Variants in EYS observed in about 807,000 individuals in gnomAD.
EYS encodes the protein protein eyes shut homolog.
A neutral mutation model predicts 282.1 loss-of-function variants in EYS; 250 were observed. The observed-to-expected ratio is 0.89, with a 90% confidence interval of 0.80 to 0.98. The LOEUF (loss-of-function observed/expected upper bound fraction) is 0.98. EYS is among the 50% of genes least tolerant of loss of function. The pLI, the probability that EYS is intolerant of heterozygous loss-of-function variation, is 0.00. For synonymous variants in EYS, 1,355 were observed against 1,282.9 expected (o/e 1.06, Z -1.20); for missense variants, 4,016 against 3,709.0 (o/e 1.08, Z -2.15).
chr6:64,159,216 G>T (rs538063934), intron 31 of EYS, among the ~76,000 whole-genome samples: 1 of 152,166 alleles, frequency 6.6e-6, no homozygotes, highest in East Asian at 1.9e-4. Flanking sequence ...CAATGTAAAT[G>T]CTAGGTTAAT....
chr6:63,872,583 A>G (rs1332878388), intron 35 of EYS, among the ~76,000 whole-genome samples: 2 of 151,010 alleles, frequency 1.3e-5, no homozygotes, highest in African/African-American at 4.9e-5. Context: ...GGTTCAAGCA[A>G]TTCTCCTACT....
At chr6:64,878,327 A>G (rs999867922) in intron 19 of EYS, among the ~76,000 whole-genome samples, 2 of 152,192 alleles carry the variant, frequency 1.3e-5, no homozygotes, top group Admixed American at 6.5e-5. Flanking sequence ...AATGTAGTCT[A>G]TGAATGCAGA....
At chr6:64,611,286 G>T (rs1488808630) in intron 24 of EYS, among the ~76,000 whole-genome samples, 1 of 147,724 alleles carries the variant, frequency 6.8e-6, no homozygotes. Context: ...TCCACTATGT[G>T]GTGCAGATTA....
At chr6:64,825,279 T>C (rs1765016489) in intron 19 of EYS, among the ~76,000 whole-genome samples, 1 of 151,892 alleles carries the variant, frequency 6.6e-6, no homozygotes, top group South Asian at 2.1e-4. Context: ...CAATTGCCAT[T>C]ATCCTGTTTT....
chr6:65,360,046 C>A (rs991973179), intron 8 of EYS, among the ~76,000 whole-genome samples: 3 of 151,742 alleles, frequency 2.0e-5, no homozygotes, highest in Admixed American at 2.0e-4. Context: ...AAAATATTTT[C>A]AATGGAAGTT....
chr6:65,619,318 A>G (rs354376), intron 2 of EYS, among the ~76,000 whole-genome samples: 119,207 of 150,838 alleles, frequency 0.79, 47,188 homozygotes, highest in Middle Eastern at 0.83. Flanking sequence ...TGAAGCAATT[A>G]TGAATGGGAG....
intron 31 of EYS, among the ~76,000 whole-genome samples, chr6:64,160,554 C>T (rs1305953161): frequency 6.6e-6 from 1 of 152,136 alleles, no homozygotes; most frequent in Non-Finnish European, 1.5e-5. Flanking sequence ...TAAAACCAAC[C>T]TTAAAAAGAC....
intron 12 of EYS, among the ~76,000 whole-genome samples, chr6:65,081,849 C>T (rs1774238148): frequency 6.6e-6 from 1 of 152,026 alleles, no homozygotes; most frequent in African/African-American, 2.4e-5. Flanking sequence ...ACATTTTGTG[C>T]TCTTCTAAAT....
At chr6:64,851,453 A>G (rs1221551527) in intron 19 of EYS, among the ~76,000 whole-genome samples, 2 of 152,162 alleles carry the variant, frequency 1.3e-5, no homozygotes, top group Non-Finnish European at 2.9e-5. Context: ...AGCTTCATTC[A>G]TACCTGATTT....
intron 26 of EYS, among the ~76,000 whole-genome samples, chr6:64,493,500 T>A (rs555550975): frequency 6.6e-6 from 1 of 151,594 alleles, no homozygotes; most frequent in Non-Finnish European, 1.5e-5. Flanking sequence ...GGAAATGTTA[T>A]TAAGTACTTT....
chr6:65,004,089 A>G (rs1035501614), intron 13 of EYS, among the ~76,000 whole-genome samples: 1 of 147,172 alleles, frequency 6.8e-6, no homozygotes, highest in Non-Finnish European at 1.5e-5. Context: ...GTGTGGGGTG[A>G]TATATGTATA....
intron 2 of EYS, among the ~76,000 whole-genome samples, chr6:65,594,818 T>C (rs1271411927): frequency 6.6e-6 from 1 of 152,154 alleles, no homozygotes; most frequent in African/African-American, 2.4e-5. Context: ...AAGTCTTTAA[T>C]CCATCTTGAA....
At chr6:63,775,865 T>C (rs1305201395) in intron 40 of EYS, among the ~76,000 whole-genome samples, 2 of 152,182 alleles carry the variant, frequency 1.3e-5, no homozygotes, top group African/African-American at 4.8e-5. Flanking sequence ...ACCATAAAAT[T>C]CACTTGTTTT....
At chr6:65,392,284 C>A (rs1391975399) in intron 7 of EYS, among the ~76,000 whole-genome samples, 5 of 151,614 alleles carry the variant, frequency 3.3e-5, no homozygotes, top group South Asian at 2.1e-4. Flanking sequence ...GTCTAAAACA[C>A]CAAAAGCAAT....
At chr6:64,038,506 C>T (rs1416580799) in intron 33 of EYS, among the ~76,000 whole-genome samples, 6 of 152,024 alleles carry the variant, frequency 3.9e-5, no homozygotes. Flanking sequence ...GAGGTTTTGT[C>T]ACTTTTAATA....
intron 12 of EYS, among the ~76,000 whole-genome samples, chr6:65,217,475 C>T (rs890857056): frequency 6.6e-6 from 1 of 151,860 alleles, no homozygotes; most frequent in Non-Finnish European, 1.5e-5. Context: ...CTAAAAAATG[C>T]CAATAAATAT....
intron 12 of EYS, among the ~76,000 whole-genome samples, chr6:65,205,642 T>C (rs1179667875): frequency 6.6e-6 from 1 of 151,842 alleles, no homozygotes; most frequent in Non-Finnish European, 1.5e-5. Flanking sequence ...ATATGCTTGG[T>C]CATAAAGCAT....
chr6:65,667,742 G>A (rs766167990), intron 1 of EYS, among the ~76,000 whole-genome samples: 4 of 151,564 alleles, frequency 2.6e-5, no homozygotes, highest in Non-Finnish European at 5.9e-5. Context: ...TTTTCCACTG[G>A]TACATTTTTC....
intron 2 of EYS, among the ~76,000 whole-genome samples, chr6:65,628,408 G>A (rs1766794928): frequency 6.6e-6 from 1 of 152,202 alleles, no homozygotes; most frequent in African/African-American, 2.4e-5. Flanking sequence ...GGATGTGGGT[G>A]GGGCCAGATA....
Sources: gnomAD v4.1 joint callset for allele counts (sites outside exome capture counted in the v4.1 genomes callset) on GRCh38, gnomAD v4.1.1 for gene constraint, MANE v1.5 for transcripts, NCBI Gene and HGNC (gene_info 2026-07-23, HGNC 2026-07-21) for gene names.